The following GRIA4 variants were observed in gnomAD, a reference collection of about 807,000 sequenced individuals.
The protein encoded by GRIA4 is glutamate ionotropic receptor AMPA type subunit 4.
GRIA4 carries 34 observed loss-of-function variants against 104.0 expected under a neutral mutation model. The ratio of observed to expected loss-of-function variants is 0.33; its 90% CI spans 0.25 to 0.44. The LOEUF (loss-of-function observed/expected upper bound fraction) is 0.44. Among genes scored for constraint, GRIA4 ranks in the 20% least tolerant of loss-of-function variants. The probability of loss-of-function intolerance (pLI) is 1.00; values close to 1 mark genes in which losing one functional copy is unlikely to be tolerated. For missense variants in GRIA4, 750 were observed against 1,096.5 expected (o/e 0.68, Z 4.46); for synonymous variants, 386 against 381.9 (o/e 1.01, Z -0.13).
intron 4 of GRIA4, among the ~76,000 whole-genome samples, chr11:105,844,809 C>CT (rs1191337376): frequency 6.6e-6 from 1 of 152,182 alleles, no homozygotes. Context: ...TACTATTGCA[C>CT]ACACACAAAC....
chr11:105,629,703 C>T (rs1950983045), intron 3 of GRIA4, among the ~76,000 whole-genome samples: 1 of 152,078 alleles, frequency 6.6e-6, no homozygotes, highest in South Asian at 2.1e-4. Context: ...GATTTTGTTA[C>T]AAAATGTTGA....
intron 4 of GRIA4, among the ~76,000 whole-genome samples, chr11:105,837,189 T>C (rs1944224927): frequency 6.6e-6 from 1 of 152,134 alleles, no homozygotes; most frequent in Non-Finnish European, 1.5e-5. Context: ...ACCACCCCCA[T>C]GATCCAATCA....
intron 13 of GRIA4, among the ~76,000 whole-genome samples, chr11:105,932,297 C>A (rs762527489): frequency 4.6e-5 from 7 of 151,982 alleles, no homozygotes; most frequent in Non-Finnish European, 7.4e-5. Context: ...CGCTGCTATG[C>A]CCAGCTAATT....
At chr11:105,797,345 A>T (rs907260405) in intron 4 of GRIA4, among the ~76,000 whole-genome samples, 1 of 152,190 alleles carries the variant, frequency 6.6e-6, no homozygotes, top group Non-Finnish European at 1.5e-5. Context: ...TTTATGAGTA[A>T]TGTACTCCTT....
intron 3 of GRIA4, among the ~76,000 whole-genome samples, chr11:105,683,998 C>T (rs1222098504): frequency 6.6e-6 from 1 of 152,062 alleles, no homozygotes; most frequent in Non-Finnish European, 1.5e-5. Context: ...CCTCAGCCTC[C>T]TGAGTAGCTG....
At chr11:105,822,111 G>A (rs984450541) in intron 4 of GRIA4, among the ~76,000 whole-genome samples, 1 of 152,082 alleles carries the variant, frequency 6.6e-6, no homozygotes, top group Non-Finnish European at 1.5e-5. Context: ...TAGACGTAGG[G>A]TTATTTAAAC....
intron 8 of GRIA4, among the ~76,000 whole-genome samples, chr11:105,904,845 C>T (rs1413933923): frequency 1.3e-5 from 2 of 151,924 alleles, no homozygotes; most frequent in Non-Finnish European, 2.9e-5. Context: ...GTTATTTAAT[C>T]CATTTTGTGG....
intron 4 of GRIA4, among the ~76,000 whole-genome samples, chr11:105,846,629 A>G (rs2135975594): frequency 6.6e-6 from 1 of 152,326 alleles, no homozygotes; most frequent in Middle Eastern, 3.4e-3. Flanking sequence ...ATAACTGAAT[A>G]TAATATTTGC....
chr11:105,965,228 C>T (rs1187641436), intron 14 of GRIA4, among the ~76,000 whole-genome samples: 1 of 151,808 alleles, frequency 6.6e-6, no homozygotes, highest in Non-Finnish European at 1.5e-5. Context: ...GTATCACATG[C>T]AGCATGACAT....
intron 4 of GRIA4, among the ~76,000 whole-genome samples, chr11:105,764,898 G>A (rs190370280): frequency 1.2e-4 from 18 of 152,020 alleles, no homozygotes; most frequent in Admixed American, 3.3e-4. Flanking sequence ...AAAAACATGG[G>A]AACAAGGTAG....
intron 4 of GRIA4, among the ~76,000 whole-genome samples, chr11:105,848,710 G>A (rs1944685457): frequency 6.6e-6 from 1 of 152,078 alleles, no homozygotes; most frequent in South Asian, 2.1e-4. Flanking sequence ...AAAAGGTGTG[G>A]GCAAGCTTTA....
At chr11:105,932,995 T>A (rs528903065) in intron 13 of GRIA4, among the ~76,000 whole-genome samples, 16 of 152,194 alleles carry the variant, frequency 1.1e-4, no homozygotes, top group Non-Finnish European at 4.4e-5. Context: ...TCCCAGCACT[T>A]TGGGAGGCTG....
chr11:105,835,281 G>T (rs1322379993), intron 4 of GRIA4, among the ~76,000 whole-genome samples: 1 of 151,942 alleles, frequency 6.6e-6, no homozygotes, highest in Non-Finnish European at 1.5e-5. Context: ...CACAAAATTT[G>T]ACTTATACGT....
chr11:105,868,968 G>C (rs919374655), intron 5 of GRIA4, among the ~76,000 whole-genome samples: 1 of 152,094 alleles, frequency 6.6e-6, no homozygotes, highest in Non-Finnish European at 1.5e-5. Context: ...ATTCGAATGT[G>C]CAAGTCCTAT....
chr11:105,616,783 T>C (rs1230201402), intron 3 of GRIA4, among the ~76,000 whole-genome samples: 1 of 151,792 alleles, frequency 6.6e-6, no homozygotes, highest in African/African-American at 2.4e-5. Context: ...ATGAGTGATG[T>C]GACTCAACTG....
intron 3 of GRIA4, chr11:105,708,032 T>C (rs1005404048): frequency 1.3e-5 from 2 of 152,164 alleles, no homozygotes; most frequent in South Asian, 2.1e-4. Context: ...TTGAAGAAAA[T>C]GATTGAAGAA....
chr11:105,624,503 CTTGA>C (rs945715516), intron 3 of GRIA4, among the ~76,000 whole-genome samples: 6 of 152,042 alleles, frequency 3.9e-5, no homozygotes, highest in African/African-American at 1.4e-4. Context: ...CCTTTCAGTT[CTTGA>C]TCATCTACAT....
intron 14 of GRIA4, among the ~76,000 whole-genome samples, chr11:105,941,088 T>G (rs1362716137): frequency 2.0e-5 from 3 of 152,138 alleles, no homozygotes; most frequent in Non-Finnish European, 4.4e-5. Context: ...GCCATTCAGC[T>G]CTTCAAAAAA....
intron 4 of GRIA4, among the ~76,000 whole-genome samples, chr11:105,777,545 CAT>C (rs1279399292): frequency 1.1e-4 from 16 of 152,152 alleles, no homozygotes; most frequent in Non-Finnish European, 2.1e-4. Flanking sequence ...CATTTTAACA[CAT>C]GACCATTCAA....
Sources: allele counts gnomAD v4.1 joint callset (sites outside exome capture counted in the v4.1 genomes callset), GRCh38; gene constraint gnomAD v4.1.1; transcripts MANE v1.5; gene names NCBI Gene and HGNC (gene_info 2026-07-23, HGNC 2026-07-21).